The following AMOTL1 variants were observed in gnomAD, a reference collection of about 807,000 sequenced individuals.
AMOTL1 encodes the protein angiomotin-like protein 1.
In AMOTL1, 45 loss-of-function variants were observed where a neutral mutation model predicts 102.9. The observed-to-expected ratio is 0.44, with a 90% CI of 0.34 to 0.56. The LOEUF (loss-of-function observed/expected upper bound fraction) is 0.56, where lower values mean the gene tolerates loss of function less well. Ranked by LOEUF, AMOTL1 falls within the 20% of genes least tolerant of loss-of-function variation. The pLI is 0.01. For missense variants in AMOTL1, 1,114 were observed against 1,225.6 expected, an observed-to-expected ratio of 0.91 and a Z score of 1.36; for synonymous variants, 481 against 484.7, an observed-to-expected ratio of 0.99 and a Z score of 0.10.
intron 3 of AMOTL1, among the ~76,000 whole-genome samples, chr11:94,811,438 T>C (rs1951680989): frequency 6.6e-6 from 1 of 151,778 alleles, no homozygotes; most frequent in African/African-American, 2.4e-5. Flanking sequence ...GAGGTTGCAG[T>C]AAGTCAAGAT....
chr11:94,804,864 G>A (rs1263336074), intron 3 of AMOTL1, among the ~76,000 whole-genome samples: 1 of 152,210 alleles, frequency 6.6e-6, no homozygotes, highest in Non-Finnish European at 1.5e-5. Context: ...TAGCAGGAGG[G>A]TGAAACCTTC....
At chr11:94,820,989 G>A (rs927988763) in intron 3 of AMOTL1, among the ~76,000 whole-genome samples, 8 of 152,206 alleles carry the variant, frequency 5.3e-5, no homozygotes, top group Non-Finnish European at 1.2e-4. Flanking sequence ...ATAGGCCACA[G>A]ATGTGTACTG....
rs551592256 is a variant in AMOTL1 at position 94,791,034 on chromosome 11, CATT to C, written c.50-3975_50-3973del. Among the ~76,000 whole-genome samples the C allele has an allele frequency of 7.2e-5, 11 of 152,248 alleles. No homozygotes were observed. The East Asian group carries it at 1.7e-3, about 24-fold the overall frequency. On this transcript the variant is annotated intron_variant, in intron 1 of 12. Coordinates refer to ENST00000433060, the MANE Select transcript of AMOTL1 (RefSeq NM_130847.3). ...GGGAAAATAGTCTTGCTCAGAGTCACATTAGCTAAAGGCCTCTGTTACAAAGAA... is the reference window on the plus strand; with the variant it reads ...GGGAAAATAGTCTTGCTCAGAGTCACAGCTAAAGGCCTCTGTTACAAAGAA...
At chr11:94,793,937 G>C (rs1951324464) in intron 1 of AMOTL1, among the ~76,000 whole-genome samples, 1 of 152,174 alleles carries the variant, frequency 6.6e-6, no homozygotes, top group Non-Finnish European at 1.5e-5. Flanking sequence ...CGCAAATACT[G>C]TTTCATATGT....
chr11:94,761,481 G>A (rs1460829897), intron 3 of AMOTL1, among the ~76,000 whole-genome samples: 1 of 144,280 alleles, frequency 6.9e-6, no homozygotes, highest in Non-Finnish European at 1.5e-5. Context: ...GAGCGACTGC[G>A]CCTGGCCCAG....
chr11:94,868,708 G>T (rs941248504), intron 11 of AMOTL1, among the ~76,000 whole-genome samples: 1 of 152,104 alleles, frequency 6.6e-6, no homozygotes, highest in Non-Finnish European at 1.5e-5. Flanking sequence ...GTCTAGGACC[G>T]GGGAAGCCTT....
rs776044957 is a variant in AMOTL1, at chr11:94,821,677, C to A, written c.1269C>A (p.Ala423=). The A allele has an allele frequency of 6.2e-7, 1 of 1,613,880 alleles. No homozygotes were observed. Among genetic ancestry groups the A allele is most frequent in the Non-Finnish European group, 8.5e-7 (1 of 1,179,902 alleles). The part of the protein sequence containing the change: ...MALGAPQPPP[A]ASPSQQLGPD... Reference sequence around the variant, plus strand: ...TGGGTGCTCCACAGCCCCCGCCTGCCGCCTCCCCCAGCCAGCAGCTTGGTC... The same window carrying A: ...TGGGTGCTCCACAGCCCCCGCCTGCAGCCTCCCCCAGCCAGCAGCTTGGTC... The change falls in exon 4 of 13, where the codon GCC becomes GCA. Residue 423 remains alanine, a synonymous_variant. Transcript: ENST00000433060.
chr11:94,864,591 A>G (rs1952839888), intron 9 of AMOTL1, 144 bp from the exon 10 acceptor site: 14 of 1,110,620 alleles, frequency 1.3e-5, no homozygotes, highest in Non-Finnish European at 1.8e-5. Context: ...GGAAATTGGG[A>G]GGGAAAGGCT....
At chr11:94,869,622 C>T (rs188764110) in intron 12 of AMOTL1, 149 bp downstream of exon 12, 37 of 925,966 alleles carry the variant, frequency 4.0e-5, no homozygotes, top group Middle Eastern at 3.5e-4. Flanking sequence ...GATATGTGTG[C>T]CCTTTCTTAT....
At chr11:94,796,488 A>C (rs1486232988) in intron 2 of AMOTL1, among the ~76,000 whole-genome samples, 1 of 152,176 alleles carries the variant, frequency 6.6e-6, no homozygotes, top group African/African-American at 2.4e-5. Flanking sequence ...GACAGGTCAT[A>C]ATGCAATATG....
chr11:94,847,120 G>A (rs1952430647), intron 6 of AMOTL1, among the ~76,000 whole-genome samples: 1 of 152,172 alleles, frequency 6.6e-6, no homozygotes, highest in Non-Finnish European at 1.5e-5. Flanking sequence ...ATGTATTTCA[G>A]AGGTCTACAA....
Position 94,821,668 on chromosome 11 carries a change from C to T in AMOTL1, c.1260C>T (p.Pro420=). Reference sequence around the variant, plus strand: ...CGATGGCCCTGGGTGCTCCACAGCCCCCGCCTGCCGCCTCCCCCAGCCAGC... The same window carrying T: ...CGATGGCCCTGGGTGCTCCACAGCCTCCGCCTGCCGCCTCCCCCAGCCAGC... ...PLPMALGAPQ[P]PPAASPSQQL... is the part of the protein sequence containing the mutation. Residue 420 remains proline, a synonymous_variant, in exon 4 of 13, where the codon CCC becomes CCT. Coordinates refer to ENST00000433060, the MANE Select transcript of AMOTL1 (RefSeq NM_130847.3). The T allele has an allele frequency of 6.2e-7, 1 of 1,613,978 alleles. No homozygotes were observed.
Position 94,831,501 on chromosome 11 carries a change from G to T in AMOTL1, c.1608G>T (p.Gly536=). ...AACTATCCAGCAGGGAATACGAAGG[G>T]CATGAAGACAAAGCTGCAGAGGGGC... ...NRQLSSREYE[G]HEDKAAEGHY... The change falls in exon 6 of 13, where the codon GGG becomes GGT. Residue 536 remains glycine (G), a synonymous_variant. Coordinates refer to ENST00000433060, the MANE Select transcript of AMOTL1 (RefSeq NM_130847.3). 2 of 1,613,926 alleles carry T rather than the reference G, an allele frequency of 1.2e-6. No individual in the cohort carries two copies. The highest frequency in any genetic ancestry group is 1.3e-5 in the African/African-American group (1 of 75,056).
intron 3 of AMOTL1, among the ~76,000 whole-genome samples, chr11:94,806,908 G>A (rs933900832): frequency 6.6e-6 from 1 of 152,070 alleles, no homozygotes; most frequent in African/African-American, 2.4e-5. Flanking sequence ...AGTTACATGA[G>A]TTTGGAAAAA....
At chr11:94,745,797 A>T (rs1950583665) in intron 3 of AMOTL1, among the ~76,000 whole-genome samples, 1 of 152,178 alleles carries the variant, frequency 6.6e-6, no homozygotes, top group South Asian at 2.1e-4. Flanking sequence ...ATTTCCCAAG[A>T]TTGAAGGATA....
At position 94,709,538 on chromosome 11, in the gene AMOTL1, C is replaced by A. The variant is rs144758795; in HGVS notation, c.-51+2941C>A. Among the ~76,000 whole-genome samples the A allele has an allele frequency of 1.7e-3, 252 of 152,214 alleles. 1 individual carries two copies. The highest frequency in any genetic ancestry group is 5.7e-3 in the African/African-American group (235 of 41,508). ...CCATGACTGCCAATTACTCTGAGAC[C>A]AGCATACTGTGAGAAAGTCCAAGTT... is the stretch of plus-strand genomic sequence containing the variant. On this transcript the variant is annotated intron_variant, in intron 1 of 4. Coordinates refer to the AMOTL1 transcript ENST00000299004.
intron 1 of AMOTL1, among the ~76,000 whole-genome samples, chr11:94,717,212 CA>C (rs2135437271): frequency 6.6e-6 from 1 of 151,090 alleles, no homozygotes; most frequent in African/African-American, 2.4e-5. Context: ...GAGTTATTTC[CA>C]GAGTATTTAG....
intron 6 of AMOTL1, among the ~76,000 whole-genome samples, chr11:94,844,576 A>G (rs926834333): frequency 6.6e-6 from 1 of 152,236 alleles, no homozygotes; most frequent in Non-Finnish European, 1.5e-5. Context: ...GTGCTCTGTT[A>G]TTGCATGGCC....
In AMOTL1 at chr11:94,872,478, G is replaced by A. The variant is rs921441662; in HGVS notation, c.*1683G>A. The A allele has an allele frequency of 1.3e-5, 2 of 152,234 alleles. No homozygotes were observed. Among genetic ancestry groups the A allele is most frequent in the South Asian group, 4.2e-4 (2 of 4,818 alleles). The allele number at this position is 152,234 out of a possible 1,614,324, so 9.4% of individuals were successfully genotyped here. A position where few individuals can be genotyped will look rare whatever the true frequency, so the allele number is the denominator to read the frequency against. On this transcript the variant is annotated 3_prime_UTR_variant, in exon 13 of 13. Coordinates refer to ENST00000433060, the MANE Select transcript of AMOTL1 (RefSeq NM_130847.3). ...GGAAACTTTGCTTGGATCCTAAAATGGACTGGTCTTGGGTGTGTAACCCCG... is the reference window on the plus strand; with the variant it reads ...GGAAACTTTGCTTGGATCCTAAAATAGACTGGTCTTGGGTGTGTAACCCCG...
Sources: gnomAD v4.1 joint callset for allele counts (sites outside exome capture counted in the v4.1 genomes callset) on GRCh38, gnomAD v4.1.1 for gene constraint, MANE v1.5 for transcripts, NCBI Gene and HGNC (gene_info 2026-07-23, HGNC 2026-07-21) for gene names.